Variants in RSPO2 observed in about 807,000 individuals in gnomAD.
The protein encoded by RSPO2 is R-spondin-2.
In RSPO2, 14 loss-of-function variants were observed where a neutral mutation model predicts 30.9. The ratio of observed to expected loss-of-function variants is 0.45; its 90% CI spans 0.30 to 0.71. The LOEUF (loss-of-function observed/expected upper bound fraction) is 0.71, where lower values mean the gene tolerates loss of function less well. Ranked by LOEUF, RSPO2 falls within the 30% of genes least tolerant of loss-of-function variation. The pLI is 0.08. For synonymous variants in RSPO2, 107 were observed against 96.4 expected, an observed-to-expected ratio of 1.11 and a Z score of -0.64; for missense variants, 264 against 301.9, an observed-to-expected ratio of 0.87 and a Z score of 0.93.
intron 2 of RSPO2, among the ~76,000 whole-genome samples, chr8:108,002,086 GC>G (rs1176522242): frequency 4.6e-5 from 7 of 152,172 alleles, no homozygotes; most frequent in African/African-American, 9.7e-5. Flanking sequence ...TATCCTATAA[GC>G]CTTAGCTTGA....
At chr8:107,923,576 C>T (rs1167530601) in intron 5 of RSPO2, among the ~76,000 whole-genome samples, 1 of 152,062 alleles carries the variant, frequency 6.6e-6, no homozygotes, top group African/African-American at 2.4e-5. Flanking sequence ...GGTATATACA[C>T]CCAAAGAATA....
intron 2 of RSPO2, among the ~76,000 whole-genome samples, chr8:108,040,514 T>C (rs562352082): frequency 3.4e-4 from 51 of 152,230 alleles, no homozygotes; most frequent in African/African-American, 1.2e-3. Context: ...AAATCCCCGA[T>C]GGTCTCAGAA....
chr8:107,968,298 T>G (rs1813880661), intron 3 of RSPO2, among the ~76,000 whole-genome samples: 1 of 152,106 alleles, frequency 6.6e-6, no homozygotes, highest in South Asian at 2.1e-4. Flanking sequence ...TCATTTCCAG[T>G]GCATGGATGG....
intron 2 of RSPO2, among the ~76,000 whole-genome samples, chr8:108,001,838 A>C (rs1463399917): frequency 6.6e-6 from 1 of 152,152 alleles, no homozygotes; most frequent in East Asian, 1.9e-4. Context: ...AACAAGGAAA[A>C]CACATGGACA....
chr8:108,036,826 T>C (rs185368612), intron 2 of RSPO2, among the ~76,000 whole-genome samples: 1 of 152,326 alleles, frequency 6.6e-6, no homozygotes, highest in East Asian at 1.9e-4. Flanking sequence ...TTAAAATTTT[T>C]CATTATTATT....
At chr8:108,077,705 A>C (rs998387558) in intron 2 of RSPO2, among the ~76,000 whole-genome samples, 1 of 152,164 alleles carries the variant, frequency 6.6e-6, no homozygotes, top group Non-Finnish European at 1.5e-5. Flanking sequence ...ACACTTTAGT[A>C]TTAATTAGCA....
At chr8:107,987,351 C>T (rs1488963925) in intron 3 of RSPO2, among the ~76,000 whole-genome samples, 3 of 152,202 alleles carry the variant, frequency 2.0e-5, no homozygotes, top group Admixed American at 6.6e-5. Flanking sequence ...CTTTAGTTCA[C>T]TGCCTACTCA....
At chr8:107,927,073 G>A (rs918823879) in intron 5 of RSPO2, among the ~76,000 whole-genome samples, 2 of 151,986 alleles carry the variant, frequency 1.3e-5, no homozygotes, top group African/African-American at 4.8e-5. Flanking sequence ...TTATTTCATT[G>A]AGCAGTGGTT....
At chr8:107,975,328 A>G (rs1814169347) in intron 3 of RSPO2, among the ~76,000 whole-genome samples, 1 of 152,226 alleles carries the variant, frequency 6.6e-6, no homozygotes, top group Non-Finnish European at 1.5e-5. Context: ...GTGGAACAAA[A>G]CTGAAAAGCA....
chr8:107,936,478 A>T (rs924304674), intron 5 of RSPO2, among the ~76,000 whole-genome samples: 9 of 152,186 alleles, frequency 5.9e-5, no homozygotes, highest in Non-Finnish European at 7.4e-5. Flanking sequence ...CTTTGAATAA[A>T]TACCCAGCAG....
chr8:107,950,303 A>C (rs1246790796), intron 5 of RSPO2, among the ~76,000 whole-genome samples: 1 of 152,206 alleles, frequency 6.6e-6, no homozygotes, highest in Non-Finnish European at 1.5e-5. Flanking sequence ...AAAATCAAGC[A>C]CTTATTTTAA....
At chr8:107,920,073 A>T (rs1048273987) in intron 5 of RSPO2, among the ~76,000 whole-genome samples, 20 of 152,094 alleles carry the variant, frequency 1.3e-4, no homozygotes, top group Admixed American at 5.9e-4. Context: ...TATGAACAAG[A>T]TATGGAAATG....
At chr8:107,997,866 T>A (rs1222484803) in intron 2 of RSPO2, among the ~76,000 whole-genome samples, 1 of 152,212 alleles carries the variant, frequency 6.6e-6, no homozygotes, top group African/African-American at 2.4e-5. Flanking sequence ...AGGTGTTGAA[T>A]GCCCATGTGT....
At chr8:107,920,753 TAA>T (rs1439011171) in intron 5 of RSPO2, among the ~76,000 whole-genome samples, 3 of 152,140 alleles carry the variant, frequency 2.0e-5, no homozygotes, top group Non-Finnish European at 4.4e-5. Context: ...GTTATTCAGG[TAA>T]AGAGTTCCTT....
intron 3 of RSPO2, among the ~76,000 whole-genome samples, chr8:107,979,759 G>A (rs1419007600): frequency 1.3e-5 from 2 of 151,910 alleles, no homozygotes; most frequent in African/African-American, 4.8e-5. Flanking sequence ...CCTTCTGCTG[G>A]TTCTATCTTC....
chr8:107,974,172 G>A (rs1399019071), intron 3 of RSPO2, among the ~76,000 whole-genome samples: 1 of 152,052 alleles, frequency 6.6e-6, no homozygotes, highest in African/African-American at 2.4e-5. Flanking sequence ...CACATACCAA[G>A]GAGCAAGGAC....
At chr8:108,068,190 G>A (rs1343850808) in intron 2 of RSPO2, among the ~76,000 whole-genome samples, 1 of 152,192 alleles carries the variant, frequency 6.6e-6, no homozygotes, top group Non-Finnish European at 1.5e-5. Flanking sequence ...GTTGTAATAA[G>A]TAATAAAGAG....
chr8:107,974,314 T>C (rs10091612), intron 3 of RSPO2, among the ~76,000 whole-genome samples: 11,013 of 144,630 alleles, frequency 0.076, 884 homozygotes, highest in African/African-American at 0.21. Context: ...TGACGATACT[T>C]CATCTCTACA....
intron 5 of RSPO2, among the ~76,000 whole-genome samples, chr8:107,905,005 T>C (rs935397671): frequency 5.3e-5 from 8 of 151,362 alleles, no homozygotes; most frequent in Non-Finnish European, 1.2e-4. Flanking sequence ...CATCCAGCTG[T>C]GAATTGCTGC....
Sources: gnomAD v4.1 joint callset for allele counts (sites outside exome capture counted in the v4.1 genomes callset) on GRCh38, gnomAD v4.1.1 for gene constraint, MANE v1.5 for transcripts, NCBI Gene and HGNC (gene_info 2026-07-23, HGNC 2026-07-21) for gene names.